The following AGMO variants were observed in gnomAD, a reference collection of about 807,000 sequenced individuals.
The protein encoded by AGMO is glyceryl-ether monooxygenase.
A neutral mutation model predicts 60.2 loss-of-function variants in AGMO; 75 were observed. That is an observed-to-expected ratio of 1.25 (90% CI 1.03 to 1.51). The LOEUF is 1.51. AGMO is among the 40% of genes most tolerant of loss of function. The probability of loss-of-function intolerance (pLI) is 0.00; values close to 1 mark genes in which losing one functional copy is unlikely to be tolerated. For missense variants in AGMO, 763 were observed against 525.5 expected, an observed-to-expected ratio of 1.45 and a Z score of -4.42; for synonymous variants, 261 against 177.1, an observed-to-expected ratio of 1.47 and a Z score of -3.76.
chr7:15,316,374 C>A (rs966500102), intron 12 of AGMO, among the ~76,000 whole-genome samples: 2 of 152,114 alleles, frequency 1.3e-5, no homozygotes, highest in Admixed American at 1.3e-4. Flanking sequence ...ACACTCCCTG[C>A]CAGTGGCGTC....
the AGMO span, among the ~76,000 whole-genome samples, chr7:15,120,558 C>T: frequency 6.6e-6 from 1 of 152,058 alleles, no homozygotes; most frequent in African/African-American, 2.4e-5. Flanking sequence ...ACAACTCCTT[C>T]TCTCCACCCT....
chr7:15,495,842 C>CCT (rs1562536404), intron 3 of AGMO, among the ~76,000 whole-genome samples: 1 of 135,970 alleles, frequency 7.4e-6, no homozygotes, highest in African/African-American at 2.9e-5. Context: ...CTCTCTCTCT[C>CCT]CTCTCTCTCT....
At chr7:15,559,201 A>C (rs968577540) in intron 2 of AGMO, among the ~76,000 whole-genome samples, 1 of 152,152 alleles carries the variant, frequency 6.6e-6, no homozygotes. Flanking sequence ...GCTTTTGGGG[A>C]AACTACATGC....
chr7:15,298,025 T>C (rs966017316), intron 12 of AGMO, among the ~76,000 whole-genome samples: 2 of 152,158 alleles, frequency 1.3e-5, no homozygotes, highest in African/African-American at 4.8e-5. Context: ...GTCAGTAACA[T>C]ATCCCATTAA....
intron 12 of AGMO, among the ~76,000 whole-genome samples, chr7:15,251,684 C>CTAGA (rs1355898522): frequency 6.6e-6 from 1 of 152,164 alleles, no homozygotes; most frequent in Non-Finnish European, 1.5e-5. Flanking sequence ...CCAGAGCTTA[C>CTAGA]TAGAAGGCTA....
Position 15,415,100 on chromosome 7 carries a change from A to T in AGMO, c.609+3458T>A, listed in dbSNP as rs556834790. Among the ~76,000 whole-genome samples, 22 of 152,002 alleles carry T rather than the reference A, an allele frequency of 1.4e-4. No homozygotes were observed. The East Asian group carries it at 2.1e-3, about 15-fold the overall frequency. On this transcript the variant is annotated intron_variant, in intron 5 of 12. Coordinates refer to ENST00000342526, the MANE Select transcript of AGMO (RefSeq NM_001004320.2). ...GTCGAAGATTTCTTAGAGAATATTT[A>T]AAAAAAATAGTGAACTTCAAAATTT...
chr7:15,229,206 A>T (rs10253882), intron 12 of AGMO, among the ~76,000 whole-genome samples: 50,508 of 151,756 alleles, frequency 0.33, 12,432 homozygotes, highest in African/African-American at 0.7. Flanking sequence ...TTGGACAACA[A>T]CTCTTCACTT....
intron 12 of AGMO, among the ~76,000 whole-genome samples, chr7:15,202,740 A>G (rs1781331441): frequency 1.3e-5 from 2 of 152,146 alleles, no homozygotes; most frequent in South Asian, 4.1e-4. Context: ...CAAATACAAT[A>G]TATTTAAAGG....
intron 12 of AGMO, among the ~76,000 whole-genome samples, chr7:15,309,102 A>T (rs1293752994): frequency 1.3e-5 from 2 of 152,176 alleles, no homozygotes; most frequent in Non-Finnish European, 2.9e-5. Context: ...ATAGTTCCTT[A>T]GACTAGTTAT....
intron 10 of AGMO, among the ~76,000 whole-genome samples, chr7:15,379,186 C>G (rs1783578557): frequency 6.6e-6 from 1 of 152,004 alleles, no homozygotes; most frequent in Non-Finnish European, 1.5e-5. Context: ...CTCAAGTTCA[C>G]AACCTAGTAT....
chr7:15,545,791 A>C (rs1441400717), intron 2 of AGMO, among the ~76,000 whole-genome samples: 1 of 152,004 alleles, frequency 6.6e-6, no homozygotes, highest in Non-Finnish European at 1.5e-5. Flanking sequence ...ATATGATCAA[A>C]TTTAAGATTA....
chr7:15,516,297 T>C (rs76917710), intron 3 of AGMO, among the ~76,000 whole-genome samples: 7 of 152,290 alleles, frequency 4.6e-5, no homozygotes, highest in East Asian at 1.9e-4. Flanking sequence ...CCCCCAATTA[T>C]AGATGAGTAA....
rs1460301541 is a variant in AGMO at position 15,365,695 on chromosome 7, A to G, written c.1158-76T>C. 8 of 1,001,994 alleles carry G rather than the reference A, an allele frequency of 8.0e-6. No individual in the cohort carries two copies. In the East Asian group the frequency reaches 2.1e-4, roughly 26 times the overall value. The allele number at this position is 1,001,994 out of a possible 1,614,324, so 62.1% of individuals were successfully genotyped here. Reference sequence around the variant, plus strand: ...TGTTCACATGTTATAATTAATATAAACTTCTCATTCTCAAGAAATACCTAG... The same window carrying G: ...TGTTCACATGTTATAATTAATATAAGCTTCTCATTCTCAAGAAATACCTAG... On this transcript the variant is annotated intron_variant, in intron 11 of 12. Transcript: ENST00000342526.
chr7:15,553,103 T>G (rs942458956), intron 2 of AGMO, among the ~76,000 whole-genome samples: 278 of 147,420 alleles, frequency 1.9e-3, no homozygotes, highest in African/African-American at 6.4e-3. Flanking sequence ...TTCTCACTCA[T>G]AGGTGGGAAT....
chr7:15,420,459 T>A (rs1044430788), intron 4 of AGMO, among the ~76,000 whole-genome samples: 1 of 152,126 alleles, frequency 6.6e-6, no homozygotes, highest in African/African-American at 2.4e-5. Flanking sequence ...CAAAATACTA[T>A]ATTTCTAACA....
At chr7:15,360,469 A>G (rs900729068) in intron 12 of AGMO, among the ~76,000 whole-genome samples, 6 of 152,242 alleles carry the variant, frequency 3.9e-5, no homozygotes, top group Non-Finnish European at 7.3e-5. Flanking sequence ...TGTATGATAC[A>G]CTGTATTCTC....
intron 12 of AGMO, among the ~76,000 whole-genome samples, chr7:15,218,107 CAATT>C (rs2128495919): frequency 6.6e-6 from 1 of 151,928 alleles, no homozygotes; most frequent in East Asian, 1.9e-4. Context: ...TATATCCAAA[CAATT>C]AAATGCTGTA....
intron 12 of AGMO, among the ~76,000 whole-genome samples, chr7:15,269,110 T>C (rs909481139): frequency 1.3e-5 from 2 of 152,062 alleles, no homozygotes; most frequent in Non-Finnish European, 2.9e-5. Flanking sequence ...GCCAATGTAA[T>C]GTGAAAGTAG....
the AGMO span, among the ~76,000 whole-genome samples, chr7:15,165,272 T>C: frequency 1.3e-5 from 2 of 152,180 alleles, no homozygotes; most frequent in South Asian, 4.1e-4. Flanking sequence ...AAATTTCCTA[T>C]TGGGTACAGT....
Sources: gnomAD v4.1 joint callset for allele counts (sites outside exome capture counted in the v4.1 genomes callset) on GRCh38, gnomAD v4.1.1 for gene constraint, MANE v1.5 for transcripts, NCBI Gene and HGNC (gene_info 2026-07-23, HGNC 2026-07-21) for gene names.